ADGRL3: variants seen among roughly 807,000 people sequenced by gnomAD.
ADGRL3 encodes adhesion G protein-coupled receptor L3, also known as calcium-independent alpha-latrotoxin receptor 3.
Under a neutral mutation model 153.5 loss-of-function variants are expected in ADGRL3, and 62 were observed. That is an observed-to-expected ratio of 0.40 (90% CI 0.33 to 0.50). The LOEUF is 0.50. ADGRL3 is among the 20% of genes least tolerant of loss of function. ADGRL3 has a pLI of 0.47. For missense variants in ADGRL3, 1,641 were observed against 1,859.4 expected (o/e 0.88, Z 2.16); for synonymous variants, 710 against 672.5 (o/e 1.06, Z -0.86).
At chr4:61,904,562 G>A (rs1040412998) in intron 11 of ADGRL3, among the ~76,000 whole-genome samples, 7 of 151,788 alleles carry the variant, frequency 4.6e-5, no homozygotes, top group Admixed American at 3.9e-4. Flanking sequence ...ACTACCCTTT[G>A]ATATCAATAA....
chr4:61,930,033 G>A (rs781416105), intron 13 of ADGRL3, among the ~76,000 whole-genome samples: 3 of 151,986 alleles, frequency 2.0e-5, no homozygotes, highest in African/African-American at 2.4e-5. Flanking sequence ...AAAATTAGCC[G>A]GGTGTGGTGA....
At chr4:61,753,065 A>G (rs1479302927) in intron 8 of ADGRL3, among the ~76,000 whole-genome samples, 4 of 152,138 alleles carry the variant, frequency 2.6e-5, no homozygotes, top group African/African-American at 7.2e-5. Context: ...AGATTGTCCC[A>G]TATCCCATTG....
intron 23 of ADGRL3, among the ~76,000 whole-genome samples, chr4:62,032,268 C>T (rs1275962291): frequency 2.0e-5 from 3 of 151,172 alleles, no homozygotes; most frequent in Non-Finnish European, 4.4e-5. Context: ...TTTGTAAGGA[C>T]ATAATATATA....
At chr4:61,801,126 C>T (rs967832882) in intron 8 of ADGRL3, among the ~76,000 whole-genome samples, 1 of 152,068 alleles carries the variant, frequency 6.6e-6, no homozygotes, top group Non-Finnish European at 1.5e-5. Flanking sequence ...TGGGTGAAAA[C>T]GTCATGGCTC....
chr4:61,589,855 A>C (rs1579712124), intron 5 of ADGRL3, among the ~76,000 whole-genome samples: 1 of 152,152 alleles, frequency 6.6e-6, no homozygotes, highest in South Asian at 2.1e-4. Context: ...AGTGTGAAAA[A>C]TTTGGAAGTT....
At chr4:62,035,625 A>G (rs951395289) in intron 23 of ADGRL3, among the ~76,000 whole-genome samples, 14 of 152,106 alleles carry the variant, frequency 9.2e-5, no homozygotes, top group Non-Finnish European at 4.4e-5. Flanking sequence ...CTCAAGTTCT[A>G]ATTAAAGCAT....
rs150612926 is a variant in ADGRL3 at position 61,587,706 on chromosome 4, C to G, written c.473+266C>G. Among the ~76,000 whole-genome samples the G allele has an allele frequency of 5.1e-3, 781 of 152,032 alleles. 3 individuals are homozygous for G. Among genetic ancestry groups the G allele is most frequent in the African/African-American group, 0.018 (740 of 41,518 alleles). ...GTTATTTTGATAGTGTTCTTTAGAA[C>G]TGAGTTCATTACATGAGAGAAGAAT... is the stretch of plus-strand genomic sequence containing the variant. On this transcript the variant is annotated intron_variant, in intron 5 of 26. Coordinates refer to ENST00000683033, the MANE Select transcript of ADGRL3 (RefSeq NM_001387552.1).
At chr4:61,968,739 G>T (rs1181963207) in intron 17 of ADGRL3, among the ~76,000 whole-genome samples, 1 of 152,088 alleles carries the variant, frequency 6.6e-6, no homozygotes, top group African/African-American at 2.4e-5. Context: ...TTAATATTGT[G>T]TAAAGATGTA....
At position 61,517,449 on chromosome 4, in the gene ADGRL3, C is replaced by A; in HGVS notation, c.190C>A (p.Gln64Lys). The A allele has an allele frequency of 1.2e-6, 1 of 802,948 alleles. No individual in the cohort carries two copies. Among genetic ancestry groups the A allele is most frequent in the Non-Finnish European group, 2.1e-6 (1 of 476,416 alleles). 49.7% of individuals were successfully genotyped at this position (802,948 alleles called of 1,614,324 possible). The change falls in exon 4 of 27, where the codon CAA becomes AAA. Residue 64 changes from glutamine to lysine, a missense_variant. Physicochemically the swap from Gln to Lys is moderately conservative, Grantham distance 53. This residue lies in a region of ADGRL3 where 145 missense variants were observed against 79.1 expected (regional missense o/e 1.83). Coordinates refer to ENST00000683033, the MANE Select transcript of ADGRL3 (RefSeq NM_001387552.1). ...AAERTAAHRG[Q>K]GPRGATRGVR... is the part of the protein sequence containing the mutation. ...AGAGCGCACCGCTGCTCATCGTGGA[C>A]AAGGGCCCCGTGGAGCTACCAGAGG...
intron 1 of ADGRL3, among the ~76,000 whole-genome samples, chr4:61,318,919 A>G (rs2095295432): frequency 6.6e-6 from 1 of 152,190 alleles, no homozygotes; most frequent in African/African-American, 2.4e-5. Context: ...TTATTTAGCA[A>G]TTATGAGTTG....
At chr4:61,269,517 CTG>C (rs776853759) in intron 1 of ADGRL3, among the ~76,000 whole-genome samples, 8 of 151,474 alleles carry the variant, frequency 5.3e-5, no homozygotes, top group Non-Finnish European at 1.0e-4. Flanking sequence ...TTTAATGTAT[CTG>C]TGTTTAAATT....
At chr4:61,859,659 T>G (rs1377703441) in intron 9 of ADGRL3, among the ~76,000 whole-genome samples, 2 of 152,188 alleles carry the variant, frequency 1.3e-5, no homozygotes, top group African/African-American at 2.4e-5. Context: ...GAAATTTAAA[T>G]GTAAATAAGT....
chr4:61,666,161 C>T (rs1028047601), intron 5 of ADGRL3, among the ~76,000 whole-genome samples: 2 of 152,124 alleles, frequency 1.3e-5, no homozygotes. Context: ...CACATGCACA[C>T]AGTTATTCCT....
intron 6 of ADGRL3, among the ~76,000 whole-genome samples, chr4:61,717,799 C>T (rs974743269): frequency 1.3e-5 from 2 of 151,934 alleles, no homozygotes; most frequent in African/African-American, 2.4e-5. Flanking sequence ...TTTGGGAGGC[C>T]GAGGCACGCA....
chr4:61,834,421 C>T (rs571653188), intron 9 of ADGRL3, among the ~76,000 whole-genome samples: 9 of 152,194 alleles, frequency 5.9e-5, no homozygotes, highest in African/African-American at 1.4e-4. Flanking sequence ...AATAAACATA[C>T]GTGTGCATGT....
intron 2 of ADGRL3, among the ~76,000 whole-genome samples, chr4:61,475,996 A>C (rs1010380759): frequency 2.0e-5 from 3 of 152,194 alleles, no homozygotes; most frequent in African/African-American, 7.2e-5. Context: ...ACTACAGTCT[A>C]TCTTGGCTCA....
At chr4:61,455,997 G>A (rs2097730959) in intron 2 of ADGRL3, among the ~76,000 whole-genome samples, 3 of 151,772 alleles carry the variant, frequency 2.0e-5, no homozygotes, top group Admixed American at 2.0e-4. Context: ...TGTATTTTTA[G>A]TTGAAAGGGG....
At chr4:61,662,008 A>G (rs997408966) in intron 5 of ADGRL3, among the ~76,000 whole-genome samples, 1 of 152,238 alleles carries the variant, frequency 6.6e-6, no homozygotes, top group African/African-American at 2.4e-5. Flanking sequence ...AGCAGGTTGT[A>G]GTAGTGAAGG....
intron 6 of ADGRL3, among the ~76,000 whole-genome samples, chr4:61,684,029 T>A (rs1396468523): frequency 6.6e-6 from 1 of 152,156 alleles, no homozygotes; most frequent in African/African-American, 2.4e-5. Flanking sequence ...ATGGAGAATG[T>A]GAAACCAAAA....
Sources: allele counts gnomAD v4.1 joint callset (sites outside exome capture counted in the v4.1 genomes callset), GRCh38; gene constraint gnomAD v4.1.1; regional missense constraint gnomAD v4.1.1; transcripts MANE v1.5; gene names NCBI Gene and HGNC (gene_info 2026-07-23, HGNC 2026-07-21).